Variants in LRPPRC observed in about 807,000 individuals in gnomAD.
LRPPRC encodes leucine-rich PPR motif-containing protein, mitochondrial.
LRPPRC carries 120 observed loss-of-function variants against 180.3 expected under a neutral mutation model. The observed-to-expected ratio is 0.67, with a 90% CI of 0.57 to 0.77. The LOEUF (loss-of-function observed/expected upper bound fraction) is 0.77. LRPPRC is among the 30% of genes least tolerant of loss of function. The pLI is 0.00. For missense variants in LRPPRC, 2,012 were observed against 1,657.2 expected (o/e 1.21, Z -3.72); for synonymous variants, 723 against 600.0 (o/e 1.21, Z -3.00).
intron 32 of LRPPRC, among the ~76,000 whole-genome samples, chr2:43,900,200 T>C (rs1170399107): frequency 6.6e-6 from 1 of 152,178 alleles, no homozygotes; most frequent in Non-Finnish European, 1.5e-5. Context: ...GGAAAAAGTA[T>C]CTTCACACTT....
At chr2:43,895,532 T>C (rs1670647162) in intron 35 of LRPPRC, among the ~76,000 whole-genome samples, 1 of 152,206 alleles carries the variant, frequency 6.6e-6, no homozygotes, top group African/African-American at 2.4e-5. Flanking sequence ...AGATTCCTTA[T>C]ACTTTTTAAT....
At chr2:43,889,314 C>CAAA (rs780032604) in intron 37 of LRPPRC, among the ~76,000 whole-genome samples, 2,414 of 37,940 alleles carry the variant, frequency 0.064, 289 homozygotes, top group African/African-American at 0.091. Flanking sequence ...GACTCCATCT[C>CAAA]AAAAAAAAAA....
intron 25 of LRPPRC, among the ~76,000 whole-genome samples, chr2:43,928,838 G>C (rs1370426193): frequency 6.6e-6 from 1 of 151,996 alleles, no homozygotes; most frequent in Non-Finnish European, 1.5e-5. Context: ...AACAATACAG[G>C]GGTTAGAGTT....
In LRPPRC at chr2:43,896,663, G is replaced by A. The variant is rs1670697836; in HGVS notation, c.3871C>T (p.Leu1291Phe). ...CCTTGTTTCCTAGAATTCCTAAGGA[G>A]GAACAACAACAAAATCGGGGTTTGT... ...AEQTPILLLFLLRNSRKQGKA... is the reference protein window; with the variant it reads ...AEQTPILLLFFLRNSRKQGKA... Residue 1291 changes from leucine to phenylalanine, a missense_variant, in exon 35 of 38, where the codon CTC becomes TTC. Physicochemically the swap from Leu to Phe is conservative, Grantham distance 22. Coordinates refer to ENST00000260665, the MANE Select transcript of LRPPRC (RefSeq NM_133259.4). The A allele has an allele frequency of 6.2e-7, 1 of 1,612,270 alleles. No homozygotes were observed. Among genetic ancestry groups the A allele is most frequent in the East Asian group, 2.2e-5 (1 of 44,836 alleles).
In LRPPRC at chr2:43,963,420, G is replaced by C. The variant is rs546774491; in HGVS notation, c.1488+168C>G. 4 of 654,882 alleles carry C rather than the reference G, an allele frequency of 6.1e-6. No individual in the cohort carries two copies. In the African/African-American group the frequency reaches 7.2e-5, roughly 12 times the overall value. The allele number at this position is 654,882 out of a possible 1,614,324, so 40.6% of individuals were successfully genotyped here. A position where few individuals can be genotyped will look rare whatever the true frequency, so the allele number is the denominator to read the frequency against. On this transcript the variant is annotated intron_variant, in intron 12 of 37. Coordinates refer to ENST00000260665, the MANE Select transcript of LRPPRC (RefSeq NM_133259.4). ...GATTGTGCCATTGCACTCCTGCCTG[G>C]GCAATGAGAGAGAAACTCCATCTCA...
intron 25 of LRPPRC, among the ~76,000 whole-genome samples, chr2:43,930,821 G>C (rs193263805): frequency 6.6e-6 from 1 of 152,176 alleles, no homozygotes; most frequent in African/African-American, 2.4e-5. Flanking sequence ...GGGTTCGTGA[G>C]TTCTAGTCCA....
chr2:43,979,398 C>A (rs771671690), intron 3 of LRPPRC, among the ~76,000 whole-genome samples: 12 of 152,112 alleles, frequency 7.9e-5, no homozygotes, highest in Non-Finnish European at 1.8e-4. Context: ...ACGGGTACTC[C>A]ATAATTTATT....
intron 30 of LRPPRC, among the ~76,000 whole-genome samples, chr2:43,907,841 T>C (rs955259524): frequency 1.3e-5 from 2 of 152,174 alleles, no homozygotes; most frequent in Non-Finnish European, 2.9e-5. Flanking sequence ...AGAGAATTTA[T>C]TGCTCTGAAA....
At chr2:43,949,796 C>A in intron 15 of LRPPRC, 137 bp from the exon 16 acceptor site, 1 of 692,250 alleles carries the variant, frequency 1.4e-6, no homozygotes, top group South Asian at 1.6e-5. Flanking sequence ...CAAAACCACC[C>A]CCACCCGCCA....
At chr2:43,918,850 G>A (rs899874503) in intron 27 of LRPPRC, among the ~76,000 whole-genome samples, 2 of 146,658 alleles carry the variant, frequency 1.4e-5, no homozygotes, top group Non-Finnish European at 3.0e-5. Flanking sequence ...TATATATAGA[G>A]ATATATATAT....
At chr2:43,946,063 T>C (rs767034542) in intron 21 of LRPPRC, 50 bp downstream of exon 21, 12 of 1,579,796 alleles carry the variant, frequency 7.6e-6, no homozygotes, top group East Asian at 2.2e-5. Flanking sequence ...TATCAAGGTC[T>C]GTAGAGCAGA....
At chr2:43,908,969 C>T (rs1352002725) in intron 30 of LRPPRC, among the ~76,000 whole-genome samples, 1 of 152,160 alleles carries the variant, frequency 6.6e-6, no homozygotes, top group East Asian at 1.9e-4. Context: ...CTCATTTGAC[C>T]ACCATATTAT....
At chr2:43,945,973 C>G in intron 21 of LRPPRC, 140 bp downstream of exon 21, 1 of 868,656 alleles carries the variant, frequency 1.2e-6, no homozygotes, top group South Asian at 1.5e-5. Flanking sequence ...CCGTATAATA[C>G]GAAATTTCAA....
In LRPPRC at chr2:43,948,458, G is replaced by C. The variant is rs754936130; in HGVS notation, c.1796C>G (p.Ala599Gly). Residue 599 changes from alanine to glycine, a missense_variant, in exon 17 of 38, where the codon GCC becomes GGC. Coordinates refer to ENST00000260665, the MANE Select transcript of LRPPRC (RefSeq NM_133259.4). Reference protein sequence around the residue: ...IDSMSDSEVQAKEEHLRQYFH... With the variant: ...IDSMSDSEVQGKEEHLRQYFH... The stretch of plus-strand genomic sequence containing the variant: ...GTATTGTCTCAAATGCTCCTCCTTG[G>C]CCTGTACCTCTGAGTCACTCATGCT... The C allele has an allele frequency of 1.2e-6, 2 of 1,613,068 alleles. No individual in the cohort carries two copies. The highest frequency in any genetic ancestry group is 2.7e-5 in the African/African-American group (2 of 74,822).
At chr2:43,912,710 TA>T (rs771399242) in intron 29 of LRPPRC, 152 bp from the exon 30 acceptor site, 18 of 625,890 alleles carry the variant, frequency 2.9e-5, no homozygotes, top group Non-Finnish European at 4.8e-5. Flanking sequence ...CACACTGACA[TA>T]ATTCTTCAAA....
chr2:43,896,723 A>T lies in LRPPRC; in HGVS notation c.3826-15T>A. 2 of 1,509,640 alleles carry T rather than the reference A, an allele frequency of 1.3e-6. No individual in the cohort carries two copies. Among genetic ancestry groups the T allele is most frequent in the Non-Finnish European group, 9.2e-7 (1 of 1,085,280 alleles). 93.5% of individuals were successfully genotyped at this position (1,509,640 alleles called of 1,614,324 possible). A position where few individuals can be genotyped will look rare whatever the true frequency, so the allele number is the denominator to read the frequency against. Reference sequence around the variant, plus strand: ...GCACCACATCTCTAAAAATTAAAACATTATTCAGTAAGTGAAGGTTTCTGA... The same window carrying T: ...GCACCACATCTCTAAAAATTAAAACTTTATTCAGTAAGTGAAGGTTTCTGA... On this transcript the variant is annotated splice_polypyrimidine_tract_variant and intron_variant, in intron 34 of 37. Coordinates refer to ENST00000260665, the MANE Select transcript of LRPPRC (RefSeq NM_133259.4).
intron 29 of LRPPRC, among the ~76,000 whole-genome samples, chr2:43,914,556 G>A (rs564284307): frequency 6.6e-5 from 10 of 151,862 alleles, no homozygotes; most frequent in South Asian, 6.3e-4. Context: ...AGTGAAACGC[G>A]GTCTATACCA....
At chr2:43,947,687 T>C in intron 19 of LRPPRC, 44 bp downstream of exon 19, 1 of 1,067,022 alleles carries the variant, frequency 9.4e-7, no homozygotes, top group Non-Finnish European at 1.5e-6. Context: ...ACTCATTAAA[T>C]ATGGGTATTA....
intron 13 of LRPPRC, among the ~76,000 whole-genome samples, 179 bp from the exon 14 acceptor site, chr2:43,957,630 T>C (rs1050769196): frequency 6.6e-6 from 1 of 152,254 alleles, no homozygotes; most frequent in South Asian, 2.1e-4. Context: ...ATCTGCAATA[T>C]AAGCTACCCT....
Sources: gnomAD v4.1 joint callset for allele counts (sites outside exome capture counted in the v4.1 genomes callset) on GRCh38, gnomAD v4.1.1 for gene constraint, MANE v1.5 for transcripts, NCBI Gene and HGNC (gene_info 2026-07-23, HGNC 2026-07-21) for gene names.